ACCSL: variants seen among roughly 807,000 people sequenced by gnomAD.
ACCSL encodes the protein probable inactive 1-aminocyclopropane-1-carboxylate synthase-like protein 2.
Under a neutral mutation model 61.7 loss-of-function variants are expected in ACCSL, and 55 were observed. That is an observed-to-expected ratio of 0.89 (90% CI 0.72 to 1.12). The LOEUF (loss-of-function observed/expected upper bound fraction) is 1.12. Ranked by LOEUF, ACCSL falls within the 50% of genes most tolerant of loss-of-function variation. The pLI, the probability that ACCSL is intolerant of heterozygous loss-of-function variation, is 0.00. For synonymous variants in ACCSL, 258 were observed against 264.3 expected (o/e 0.98, Z 0.23); for missense variants, 632 against 698.0 (o/e 0.91, Z 1.07).
chr11:43,935,154 CG>C, the ACCSL span, among the ~76,000 whole-genome samples: 4 of 152,196 alleles, frequency 2.6e-5, no homozygotes, highest in South Asian at 8.3e-4. Context: ...GAGGGACCCC[CG>C]GCGAATCAGA....
chr11:43,974,310 T>A, the ACCSL span, among the ~76,000 whole-genome samples: 4 of 152,194 alleles, frequency 2.6e-5, no homozygotes, highest in African/African-American at 9.7e-5. Flanking sequence ...TTTCCTAGTT[T>A]CTGGGGTTTG....
chr11:43,974,828 C>T, the ACCSL span, among the ~76,000 whole-genome samples: 1 of 152,206 alleles, frequency 6.6e-6, no homozygotes, highest in Non-Finnish European at 1.5e-5. Context: ...CTTTGGTTGA[C>T]TACAGCCATG....
the ACCSL span, among the ~76,000 whole-genome samples, chr11:43,930,104 G>T: frequency 3.9e-5 from 6 of 152,284 alleles, no homozygotes; most frequent in South Asian, 1.2e-3. Flanking sequence ...GCAGTCAGAG[G>T]CAGGGCCGGA....
the ACCSL span, among the ~76,000 whole-genome samples, chr11:43,971,933 CCTT>C: frequency 6.6e-6 from 1 of 152,166 alleles, no homozygotes; most frequent in Non-Finnish European, 1.5e-5. Flanking sequence ...TCACTATTGA[CCTT>C]CTTTTAGCAC....
the ACCSL span, among the ~76,000 whole-genome samples, chr11:44,031,396 T>C: frequency 6.6e-6 from 1 of 152,118 alleles, no homozygotes; most frequent in Non-Finnish European, 1.5e-5. Context: ...ACTTCTGAGA[T>C]CTGGATGGTA....
the ACCSL span, among the ~76,000 whole-genome samples, chr11:44,002,305 C>T: frequency 6.6e-6 from 1 of 152,136 alleles, no homozygotes; most frequent in Non-Finnish European, 1.5e-5. Flanking sequence ...CTTCAGATGC[C>T]ACCTCGCCCC....
rs77215186 is a variant in ACCSL, at chr11:44,050,267, C to A, written c.564+146C>A. ...ATAGCTTCTAGAATAGCACATTTAA[C>A]CTCCTGGCTTTGCTGACTGTCCAGA... On this transcript the variant is annotated intron_variant, in intron 2 of 13. Transcript: ENST00000378832. 8.5e-3 allele frequency: 6,364 copies of A among 746,968 alleles called. 107 individuals are homozygous for A. The highest frequency in any genetic ancestry group is 0.046 in the East Asian group (1,764 of 38,622). 46.3% of individuals were successfully genotyped at this position (746,968 alleles called of 1,614,324 possible).
chr11:44,037,974 T>C, the ACCSL span, among the ~76,000 whole-genome samples: 1 of 152,182 alleles, frequency 6.6e-6, no homozygotes, highest in African/African-American at 2.4e-5. Flanking sequence ...CCACCCTTCT[T>C]TGCGTTTGAG....
intron 1 of ACCSL, 28 bp downstream of exon 1, chr11:44,048,568 G>GCCCCCCCCCCC: frequency 1.7e-6 from 1 of 577,272 alleles, no homozygotes; most frequent in Non-Finnish European, 3.1e-6. Flanking sequence ...GGGGTGGGCA[G>GCCCCCCCCCCC]CATCCTCACG....
the ACCSL span, among the ~76,000 whole-genome samples, chr11:43,971,906 C>T: frequency 6.6e-6 from 1 of 152,316 alleles, no homozygotes; most frequent in Non-Finnish European, 1.5e-5. Context: ...TAGCTCCTGA[C>T]CACTGGTCCT....
At chr11:43,975,105 T>C in the ACCSL span, among the ~76,000 whole-genome samples, 1 of 152,110 alleles carries the variant, frequency 6.6e-6, no homozygotes, top group East Asian at 1.9e-4. Flanking sequence ...ACTTTGAGGA[T>C]AGTGTTAGTG....
the ACCSL span, among the ~76,000 whole-genome samples, chr11:44,036,066 A>T: frequency 6.6e-6 from 1 of 152,164 alleles, no homozygotes; most frequent in Non-Finnish European, 1.5e-5. Flanking sequence ...AGTCCCTGCA[A>T]TGTAAGTGGT....
At chr11:43,969,839 G>A in the ACCSL span, among the ~76,000 whole-genome samples, 9 of 152,176 alleles carry the variant, frequency 5.9e-5, no homozygotes, top group African/African-American at 1.2e-4. Context: ...GTCAGCACCC[G>A]TCCTCAGCCA....
At chr11:43,977,887 G>A in the ACCSL span, among the ~76,000 whole-genome samples, 1 of 152,148 alleles carries the variant, frequency 6.6e-6, no homozygotes, top group Non-Finnish European at 1.5e-5. Flanking sequence ...TCTGTAAGAT[G>A]GGACATCATG....
the ACCSL span, among the ~76,000 whole-genome samples, chr11:43,938,419 G>C: frequency 4.0e-5 from 6 of 151,738 alleles, no homozygotes. Flanking sequence ...TTCATCTTTA[G>C]TCAGTTCCTT....
chr11:44,051,957 T>C (rs1476071168), intron 5 of ACCSL, among the ~76,000 whole-genome samples: 1 of 152,172 alleles, frequency 6.6e-6, no homozygotes, highest in African/African-American at 2.4e-5. Flanking sequence ...GCCCCAGGAA[T>C]GATGATGGGA....
chr11:43,935,444 G>A, the ACCSL span, among the ~76,000 whole-genome samples: 1 of 152,328 alleles, frequency 6.6e-6, no homozygotes, highest in South Asian at 2.1e-4. Flanking sequence ...GCCTGGCCTT[G>A]AATGCTGGCT....
At chr11:43,992,523 C>T in the ACCSL span, among the ~76,000 whole-genome samples, 48 of 152,326 alleles carry the variant, frequency 3.2e-4, no homozygotes, top group African/African-American at 8.2e-4. Flanking sequence ...TGGGCAGGAA[C>T]GGGTTGCATT....
At chr11:43,964,081 AC>A in the ACCSL span, among the ~76,000 whole-genome samples, 2 of 149,120 alleles carry the variant, frequency 1.3e-5, no homozygotes, top group African/African-American at 2.5e-5. Flanking sequence ...TAAAAAAAAA[AC>A]AATTAATTAT....
Sources: gnomAD v4.1 joint callset for allele counts (sites outside exome capture counted in the v4.1 genomes callset) on GRCh38, gnomAD v4.1.1 for gene constraint, MANE v1.5 for transcripts, NCBI Gene and HGNC (gene_info 2026-07-23, HGNC 2026-07-21) for gene names.